Variants in PCLO observed in about 807,000 individuals in gnomAD.
PCLO encodes the protein protein piccolo.
In PCLO, 82 loss-of-function variants were observed where a neutral mutation model predicts 427.5. The observed-to-expected ratio is 0.19, with a 90% confidence interval of 0.16 to 0.23. The LOEUF is 0.23. PCLO is among the 10% of genes least tolerant of loss of function. The probability of loss-of-function intolerance (pLI) is 1.00; values close to 1 mark genes in which losing one functional copy is unlikely to be tolerated. For missense variants in PCLO, 6,239 were observed against 6,115.9 expected (o/e 1.02, Z -0.67); for synonymous variants, 2,357 against 2,155.4 (o/e 1.09, Z -2.59).
chr7:82,790,160 G>C (rs551383060), intron 22 of PCLO, among the ~76,000 whole-genome samples: 1 of 151,910 alleles, frequency 6.6e-6, no homozygotes, highest in Admixed American at 6.6e-5. Flanking sequence ...GCCTCCAAAC[G>C]AGTCCCCCAA....
chr7:82,789,536 T>C (rs1273223529), intron 22 of PCLO, among the ~76,000 whole-genome samples: 1 of 152,042 alleles, frequency 6.6e-6, no homozygotes, highest in Non-Finnish European at 1.5e-5. Flanking sequence ...TGAAACCCCA[T>C]CTCTACTAAA....
rs749003162 is a variant in PCLO, at chr7:82,915,394, G to A, written c.12592C>T (p.Pro4198Ser). The change falls in exon 7 of 25, where the codon CCT becomes TCT. Residue 4198 changes from proline to serine, a missense_variant. By Grantham distance (74) the Pro-to-Ser change is moderately conservative. This residue lies in a region of PCLO where 680 missense variants were observed against 677.3 expected (regional missense o/e 1.00). Transcript: ENST00000333891. ...ATAGGTGAAAATTTTGACATTTTAGGGTCAATTAGTGATTTCTTATGCTTT... is the reference window on the plus strand; with the variant it reads ...ATAGGTGAAAATTTTGACATTTTAGAGTCAATTAGTGATTTCTTATGCTTT... ...QSKHKKSLID[P>S]KMSKFSPIQE... is the part of the protein sequence containing the mutation. The A allele has an allele frequency of 2.5e-6, 4 of 1,613,498 alleles. No individual in the cohort carries two copies. The highest frequency in any genetic ancestry group is 2.2e-5 in the South Asian group (2 of 91,066).
At position 82,918,333 on chromosome 7, in the gene PCLO, ATACT is replaced by A. The variant is rs1204942108; in HGVS notation, c.11113-1464_11113-1461del. 1.1e-4 allele frequency among the ~76,000 whole-genome samples: 17 copies of A among 152,126 alleles called. No individual in the cohort carries two copies. In the South Asian group the frequency reaches 2.9e-3, roughly 26 times the overall value. Reference sequence around the variant, plus strand: ...AAATCAAGTGAGACAAATATGTAAAATACTTACTACACAACACATTACAGGCACC... The same window carrying A: ...AAATCAAGTGAGACAAATATGTAAAATACTACACAACACATTACAGGCACC... On this transcript the variant is annotated intron_variant, in intron 6 of 24. Coordinates refer to ENST00000333891, the MANE Select transcript of PCLO (RefSeq NM_033026.6).
chr7:82,768,513 G>C (rs1207863756), intron 22 of PCLO, among the ~76,000 whole-genome samples: 1 of 151,482 alleles, frequency 6.6e-6, no homozygotes, highest in African/African-American at 2.4e-5. Context: ...TTTTAATAAA[G>C]TAATATGGCT....
At chr7:83,135,754 ATCAT>A (rs1254157197) in intron 2 of PCLO, 98 bp from the exon 3 acceptor site, 5 of 680,560 alleles carry the variant, frequency 7.3e-6, no homozygotes, top group East Asian at 2.8e-5. Context: ...TATGTCTCTC[ATCAT>A]TCAAAGCAGA....
chr7:82,861,754 C>A (rs145550607), intron 10 of PCLO, among the ~76,000 whole-genome samples: 228 of 151,984 alleles, frequency 1.5e-3, no homozygotes, highest in Non-Finnish European at 2.5e-3. Flanking sequence ...TTAAAACATT[C>A]AAATAATGGA....
intron 2 of PCLO, among the ~76,000 whole-genome samples, chr7:83,153,940 CATT>C (rs1792202402): frequency 6.6e-6 from 1 of 151,854 alleles, no homozygotes; most frequent in Non-Finnish European, 1.5e-5. Context: ...TAAAATGCTA[CATT>C]ATTCCAGGCC....
intron 6 of PCLO, among the ~76,000 whole-genome samples, chr7:82,919,698 C>A (rs1794552492): frequency 6.6e-6 from 1 of 151,756 alleles, no homozygotes. Flanking sequence ...GGGAAGAATA[C>A]AAGAGCCCTA....
chr7:83,152,979 A>G (rs1792175314), intron 2 of PCLO, among the ~76,000 whole-genome samples: 1 of 152,168 alleles, frequency 6.6e-6, no homozygotes, highest in African/African-American at 2.4e-5. Flanking sequence ...GGATGTAGAA[A>G]TAACATATAC....
intron 3 of PCLO, among the ~76,000 whole-genome samples, chr7:83,123,927 A>C (rs1485883555): frequency 6.9e-6 from 1 of 145,976 alleles, no homozygotes; most frequent in Non-Finnish European, 1.5e-5. Context: ...CCCTGTCTCT[A>C]CTAAAAATAC....
chr7:82,934,161 T>C (rs2116351236), intron 6 of PCLO, among the ~76,000 whole-genome samples: 1 of 152,024 alleles, frequency 6.6e-6, no homozygotes, highest in East Asian at 1.9e-4. Flanking sequence ...AGATGACCAG[T>C]TTATGATAGA....
At chr7:82,904,800 A>C (rs1347964371) in intron 8 of PCLO, among the ~76,000 whole-genome samples, 1 of 152,036 alleles carries the variant, frequency 6.6e-6, no homozygotes, top group Non-Finnish European at 1.5e-5. Context: ...AATGTTGAAC[A>C]TATTAATTTT....
intron 3 of PCLO, among the ~76,000 whole-genome samples, chr7:83,054,400 TA>T (rs1207209855): frequency 6.6e-6 from 1 of 152,038 alleles, no homozygotes; most frequent in African/African-American, 2.4e-5. Flanking sequence ...ACTGGCATAA[TA>T]AATGCCAAAT....
intron 9 of PCLO, among the ~76,000 whole-genome samples, chr7:82,881,076 G>A (rs1168156774): frequency 6.6e-6 from 1 of 152,128 alleles, no homozygotes; most frequent in African/African-American, 2.4e-5. Context: ...ATAGAGGTAT[G>A]GCTAAAAGTG....
chr7:83,156,657 T>G lies in PCLO; in HGVS notation c.249-265A>C, dbSNP rs565929630. 3.3e-5 allele frequency among the ~76,000 whole-genome samples: 5 copies of G among 151,678 alleles called. No homozygotes were observed. In the South Asian group the frequency reaches 1.0e-3, roughly 31 times the overall value. The stretch of plus-strand genomic sequence containing the variant: ...AGTGATAAAAATTAAAATATATAAT[T>G]AGAAAATACTTATAATAAAAGTAAT... On this transcript the variant is annotated intron_variant, in intron 1 of 24. Coordinates refer to ENST00000333891, the MANE Select transcript of PCLO (RefSeq NM_033026.6).
intron 3 of PCLO, among the ~76,000 whole-genome samples, chr7:82,966,801 G>C (rs148149653): frequency 6.6e-6 from 1 of 152,196 alleles, no homozygotes; most frequent in Non-Finnish European, 1.5e-5. Flanking sequence ...AAAAAAATCT[G>C]CATTTGTTCC....
intron 3 of PCLO, among the ~76,000 whole-genome samples, chr7:82,971,860 T>C (rs1021951388): frequency 7.9e-5 from 12 of 151,334 alleles, no homozygotes; most frequent in African/African-American, 2.4e-4. Context: ...CTAATCATCC[T>C]TGTGGATGCT....
chr7:82,893,307 G>A (rs1793817848), intron 9 of PCLO, among the ~76,000 whole-genome samples: 1 of 152,040 alleles, frequency 6.6e-6, no homozygotes, highest in Non-Finnish European at 1.5e-5. Context: ...ATCATTCTCA[G>A]CAAACTATCG....
At chr7:82,855,212 C>T (rs1562820224) in intron 10 of PCLO, among the ~76,000 whole-genome samples, 1 of 151,972 alleles carries the variant, frequency 6.6e-6, no homozygotes, top group Admixed American at 6.6e-5. Flanking sequence ...AAGTCACAAC[C>T]ATTTTTTAGG....
Sources: gnomAD v4.1 joint callset for allele counts (sites outside exome capture counted in the v4.1 genomes callset) on GRCh38, gnomAD v4.1.1 for gene constraint, gnomAD v4.1.1 regional missense constraint, MANE v1.5 for transcripts, NCBI Gene and HGNC (gene_info 2026-07-23, HGNC 2026-07-21) for gene names.